The following PABIR2 variants were observed in gnomAD, a reference collection of about 807,000 sequenced individuals.
PABIR2 encodes family with sequence similarity 122B.
Under a neutral mutation model 22.8 loss-of-function variants are expected in PABIR2, and 7 were observed. That is an observed-to-expected ratio of 0.31 (90% confidence interval 0.17 to 0.58). The LOEUF (loss-of-function observed/expected upper bound fraction) is 0.58. Ranked by LOEUF, PABIR2 falls within the 20% of genes least tolerant of loss-of-function variation. The pLI is 0.89. For synonymous variants in PABIR2, 67 were observed against 73.8 expected (o/e 0.91, Z 0.47); for missense variants, 155 against 205.1 (o/e 0.76, Z 1.49).
intron 9 of PABIR2, among the ~76,000 whole-genome samples, chrX:134,778,271 G>A (rs1382516276): frequency 9.6e-6 from 1 of 103,742 alleles, no homozygotes; most frequent in Admixed American, 1.0e-4. Context: ...TTGAGAGGCC[G>A]AGGCGGGCGG....
At chrX:134,794,127 TG>T (rs1341204244) in intron 1 of PABIR2, 1 of 529,408 alleles carries the variant, frequency 1.9e-6, no homozygotes, top group Admixed American at 9.1e-5. Context: ...GGGGGGCAGC[TG>T]GGAGAGGTGA....
chrX:134,788,039 AAT>A (rs892997956), intron 6 of PABIR2, among the ~76,000 whole-genome samples: 1 of 107,855 alleles, frequency 9.3e-6, no homozygotes, highest in Non-Finnish European at 1.9e-5. Context: ...ATATATATGT[AAT>A]ATATATGTAA....
intron 6 of PABIR2, 147 bp from the exon 7 acceptor site, chrX:134,787,680 A>C: frequency 2.0e-6 from 1 of 505,406 alleles, no homozygotes; most frequent in Non-Finnish European, 3.0e-6. Context: ...CAGTGATGCG[A>C]TCATAGCTTA....
At chrX:134,794,534 C>T (rs949338168) in intron 1 of PABIR2, among the ~76,000 whole-genome samples, 8 of 111,538 alleles carry the variant, frequency 7.2e-5, no homozygotes, top group African/African-American at 1.3e-4. Flanking sequence ...AATCCACAAA[C>T]GGAATGCAAT....
intron 9 of PABIR2, among the ~76,000 whole-genome samples, chrX:134,774,567 A>C (rs1402632991): frequency 9.0e-6 from 1 of 111,232 alleles, no homozygotes; most frequent in African/African-American, 3.3e-5. Flanking sequence ...AAAAACACAA[A>C]ACATGACTCA....
chrX:134,788,398 G>A (rs1418044148), intron 6 of PABIR2, among the ~76,000 whole-genome samples: 6 of 91,024 alleles, frequency 6.6e-5, no homozygotes, highest in Non-Finnish European at 1.3e-4. Flanking sequence ...CGTTATATAT[G>A]TGTAATATAT....
chrX:134,790,483 C>T (rs1315929064), intron 2 of PABIR2, among the ~76,000 whole-genome samples: 1 of 112,712 alleles, frequency 8.9e-6, no homozygotes, highest in Non-Finnish European at 1.9e-5. Context: ...ACTATTAAAA[C>T]TTATTTGAAT....
chrX:134,795,983 G>A, intron 1 of PABIR2, 125 bp downstream of exon 1: 1 of 579,015 alleles, frequency 1.7e-6, no homozygotes, highest in Admixed American at 3.2e-5. Flanking sequence ...AAGCAAACAA[G>A]TCGCCACCCC....
In PABIR2 at chrX:134,771,786, G is replaced by A. The variant is rs895542159; in HGVS notation, c.*353C>T. 2.8e-5 allele frequency: 23 copies of A among 814,284 alleles called. No homozygotes were observed. Among genetic ancestry groups the A allele is most frequent in the African/African-American group, 2.0e-4 (9 of 45,553 alleles). 67.1% of individuals were successfully genotyped at this position (814,284 alleles called of 1,213,427 possible). On this transcript the variant is annotated 3_prime_UTR_variant, in exon 10 of 10. Transcript: ENST00000343004. The stretch of plus-strand genomic sequence containing the variant: ...ATCAAATCTGTCATATCACTGCTGC[G>A]GAAAAGGACCATTAAAGGCAATACA...
At chrX:134,786,579 T>G (rs2079324891) in intron 7 of PABIR2, among the ~76,000 whole-genome samples, 2 of 112,205 alleles carry the variant, frequency 1.8e-5, no homozygotes, top group Non-Finnish European at 3.8e-5. Context: ...CATTTTTTCC[T>G]TATTCTTAAA....
intron 9 of PABIR2, among the ~76,000 whole-genome samples, chrX:134,777,014 T>G (rs1444890683): frequency 1.8e-5 from 2 of 112,395 alleles, no homozygotes; most frequent in African/African-American, 6.5e-5. Context: ...ACTTTGTGTC[T>G]TGTTCAGTCA....
At chrX:134,792,675 C>A (rs188255310) in intron 2 of PABIR2, among the ~76,000 whole-genome samples, 2 of 112,147 alleles carry the variant, frequency 1.8e-5, no homozygotes, top group South Asian at 7.4e-4. Context: ...ACTAATTGTG[C>A]GATTCTGAGC....
At chrX:134,777,840 T>C (rs2147898663) in intron 9 of PABIR2, among the ~76,000 whole-genome samples, 1 of 106,787 alleles carries the variant, frequency 9.4e-6, no homozygotes, top group Admixed American at 1.0e-4. Flanking sequence ...CCGTCTCAAA[T>C]AAAGTTTCTG....
intron 7 of PABIR2, among the ~76,000 whole-genome samples, chrX:134,786,620 T>C (rs528237309): frequency 8.9e-6 from 1 of 111,967 alleles, no homozygotes; most frequent in Admixed American, 9.5e-5. Context: ...GGTATGTATG[T>C]GTGTCTTTCC....
At chrX:134,783,318 T>C (rs997313258) in intron 8 of PABIR2, among the ~76,000 whole-genome samples, 2 of 112,527 alleles carry the variant, frequency 1.8e-5, no homozygotes, top group Non-Finnish European at 3.7e-5. Flanking sequence ...TATGATCCTA[T>C]GATTGGAAAG....
intron 2 of PABIR2, among the ~76,000 whole-genome samples, chrX:134,792,618 C>T (rs935748753): frequency 8.9e-6 from 1 of 111,835 alleles, no homozygotes; most frequent in Non-Finnish European, 1.9e-5. Context: ...TTATACCAAA[C>T]AGAATTGCAC....
In PABIR2 at chrX:134,789,619, A is replaced by G; in HGVS notation, c.195T>C (p.Pro65=). The change falls in exon 3 of 10, where the codon CCT becomes CCC. Residue 65 remains proline (P), a synonymous_variant. Transcript: ENST00000343004. ...GCAGTCTGCTACTAGGAATACGATTAGGTGAGGATGACAGCAACTGGAAAG... is the reference window on the plus strand; with the variant it reads ...GCAGTCTGCTACTAGGAATACGATTGGGTGAGGATGACAGCAACTGGAAAG... ...SRHSLLLSSS[P]NRIPSSRLHQ... 8.7e-7 allele frequency: 1 copy of G among 1,155,116 alleles called. No homozygotes were observed. Among genetic ancestry groups the G allele is most frequent in the Non-Finnish European group, 1.1e-6 (1 of 871,645 alleles).
chrX:134,786,569 C>T (rs958624147), intron 7 of PABIR2, among the ~76,000 whole-genome samples: 2 of 111,932 alleles, frequency 1.8e-5, no homozygotes, highest in African/African-American at 6.5e-5. Flanking sequence ...TGAACTTTAA[C>T]ATTTTTTCCT....
At position 134,789,614 on chromosome X, in the gene PABIR2, C is replaced by T. The variant is rs948495898; in HGVS notation, c.200G>A (p.Arg67His). The change falls in exon 3 of 10, where the codon CGT becomes CAT. Residue 67 changes from arginine (R) to histidine (H), a missense_variant. By Grantham distance (29) the Arg-to-His change is conservative. Coordinates refer to ENST00000343004, the MANE Select transcript of PABIR2 (RefSeq NM_001387468.1). Reference protein sequence around the residue: ...HSLLLSSSPNRIPSSRLHQIK... With the variant: ...HSLLLSSSPNHIPSSRLHQIK... ...CTGATGCAGTCTGCTACTAGGAATA[C>T]GATTAGGTGAGGATGACAGCAACTG... 2 of 1,154,556 alleles carry T rather than the reference C, an allele frequency of 1.7e-6. No individual in the cohort carries two copies. Among genetic ancestry groups the T allele is most frequent in the Non-Finnish European group, 2.3e-6 (2 of 871,624 alleles).
Sources: gnomAD v4.1 joint callset for allele counts (sites outside exome capture counted in the v4.1 genomes callset) on GRCh38, gnomAD v4.1.1 for gene constraint, MANE v1.5 for transcripts, NCBI Gene and HGNC (gene_info 2026-07-23, HGNC 2026-07-21) for gene names.